RABL2A: variants seen among roughly 807,000 people sequenced by gnomAD.
RABL2A encodes rab-like protein 2A.
RABL2A carries 17 observed loss-of-function variants against 30.7 expected under a neutral mutation model. The ratio of observed to expected loss-of-function variants is 0.55; its 90% CI spans 0.38 to 0.83. RABL2A has a LOEUF of 0.83. Ranked by LOEUF, RABL2A falls within the 40% of genes least tolerant of loss-of-function variation. The pLI is 0.00. For missense variants in RABL2A, 155 were observed against 272.6 expected, an observed-to-expected ratio of 0.57 and a Z score of 3.04; for synonymous variants, 64 against 101.8, an observed-to-expected ratio of 0.63 and a Z score of 2.24.
chr2:113,642,377 A>G lies in RABL2A; in HGVS notation c.*248A>G. The G allele has an allele frequency of 1.2e-6, 1 of 825,404 alleles. No homozygotes were observed. The highest frequency in any genetic ancestry group is 3.1e-5 in the Admixed American group (1 of 32,398). The allele number at this position is 825,404 out of a possible 1,614,324, so 51.1% of individuals were successfully genotyped here. ...AGAATTAGGGATCAGCATCATTAAC[A>G]CCTTCCCCACCCCCTCCCCCCAGGC... On this transcript the variant is annotated 3_prime_UTR_variant, in exon 9 of 9. Coordinates refer to ENST00000683472, the MANE Select transcript of RABL2A (RefSeq NM_001306158.2).
chr2:113,639,536 C>A (rs1366021856), intron 5 of RABL2A, among the ~76,000 whole-genome samples: 1 of 151,048 alleles, frequency 6.6e-6, no homozygotes, highest in Non-Finnish European at 1.5e-5. Context: ...ACAAGAGAAT[C>A]GCTTGAACCT....
chr2:113,633,844 A>G, intron 3 of RABL2A: 1 of 395,792 alleles, frequency 2.5e-6, no homozygotes, highest in East Asian at 5.6e-5. Context: ...TGGGGTATCC[A>G]CTTTTGCATT....
intron 5 of RABL2A, among the ~76,000 whole-genome samples, chr2:113,635,766 C>T (rs1682414555): frequency 6.6e-6 from 1 of 152,200 alleles, no homozygotes; most frequent in African/African-American, 2.4e-5. Flanking sequence ...CAGGCCACCA[C>T]TTTTAAATGC....
At chr2:113,634,609 T>G (rs1273553705) in intron 4 of RABL2A, 1 of 415,010 alleles carries the variant, frequency 2.4e-6, no homozygotes, top group Admixed American at 3.7e-5. Context: ...GGTCAGAACA[T>G]TATCTCCCAC....
intron 2 of RABL2A, among the ~76,000 whole-genome samples, chr2:113,630,738 C>T (rs1199144228): frequency 1.3e-5 from 2 of 151,984 alleles, no homozygotes; most frequent in East Asian, 3.9e-4. Flanking sequence ...AACAGGTGAC[C>T]TCAGACCTGG....
intron 5 of RABL2A, chr2:113,640,130 G>A (rs1298672097): frequency 1.3e-5 from 2 of 149,764 alleles, no homozygotes; most frequent in Non-Finnish European, 3.0e-5. Flanking sequence ...CTGGGTGACA[G>A]TGAAACCCTG....
At chr2:113,637,567 C>G in intron 5 of RABL2A, 1 of 1,207,560 alleles carries the variant, frequency 8.3e-7, no homozygotes, top group African/African-American at 1.6e-5. Flanking sequence ...AAGGAAGGAA[C>G]TCGTCACCTA....
intron 5 of RABL2A, chr2:113,637,688 G>T (rs1683459558): frequency 1.6e-6 from 2 of 1,281,828 alleles, no homozygotes; most frequent in Non-Finnish European, 2.0e-6. Context: ...GGAAAATGGG[G>T]GCAGTGTAGT....
rs538850628 is a variant in RABL2A at position 113,628,350 on chromosome 2, T to G, written c.-53-204T>G. On this transcript the variant is annotated intron_variant, in intron 1 of 8. Coordinates refer to ENST00000683472, the MANE Select transcript of RABL2A (RefSeq NM_001306158.2). The stretch of plus-strand genomic sequence containing the variant: ...AAATGGGTAACGTGAGGAGCAGCAT[T>G]TGGGGTGCGCAGGACTTAACTATTT... 713 of 346,032 alleles carry G rather than the reference T, an allele frequency of 2.1e-3. 2 individuals are homozygous for G. The highest frequency in any genetic ancestry group is 3.1e-3 in the Non-Finnish European group (597 of 189,808). 21.4% of individuals were successfully genotyped at this position (346,032 alleles called of 1,614,324 possible). A position where few individuals can be genotyped will look rare whatever the true frequency, so the allele number is the denominator to read the frequency against.
At chr2:113,634,078 C>A in intron 3 of RABL2A, 75 bp from the exon 4 acceptor site, 1 of 1,539,952 alleles carries the variant, frequency 6.5e-7, no homozygotes, top group Non-Finnish European at 8.8e-7. Context: ...TCCATTTCAT[C>A]AAACCAAACA....
intron 5 of RABL2A, among the ~76,000 whole-genome samples, chr2:113,639,712 C>T (rs909132861): frequency 2.0e-5 from 3 of 151,914 alleles, no homozygotes; most frequent in African/African-American, 7.3e-5. Context: ...AAAAATTAGC[C>T]AGGCATGGTG....
intron 5 of RABL2A, chr2:113,638,073 C>G (rs1041548004): frequency 1.0e-6 from 1 of 985,406 alleles, no homozygotes. Flanking sequence ...CCTCAGCTCT[C>G]AAAACAAGGA....
rs1685737709 is a variant in RABL2A at position 113,643,143 on chromosome 2, C to T, written c.*1014C>T. On this transcript the variant is annotated 3_prime_UTR_variant, in exon 9 of 9. Transcript: ENST00000683472. ...CCATTTGGACTACAAGAAGAGCTTC[C>T]TTTAAAGTTCCTATTTCAGCATAAA... is the stretch of plus-strand genomic sequence containing the variant. The T allele has an allele frequency of 4.4e-6, 2 of 454,434 alleles. No individual in the cohort carries two copies. The highest frequency in any genetic ancestry group is 8.8e-6 in the Non-Finnish European group (2 of 226,326). 28.2% of individuals were successfully genotyped at this position (454,434 alleles called of 1,614,324 possible).
intron 5 of RABL2A, chr2:113,637,461 T>G (rs1490290138): frequency 7.2e-6 from 8 of 1,111,350 alleles, no homozygotes; most frequent in Non-Finnish European, 8.9e-6. Flanking sequence ...AAGACACACG[T>G]GCTGCCCCCA....
At chr2:113,639,938 C>G (rs2595161) in intron 5 of RABL2A, 2,113 of 129,820 alleles carry the variant, frequency 0.016, 8 homozygotes, top group African/African-American at 0.05. Flanking sequence ...AGGATCCCTT[C>G]AGGCCAAGAG....
intron 1 of RABL2A, 119 bp downstream of exon 1, chr2:113,627,519 G>A (rs1678518661): frequency 6.4e-6 from 1 of 155,352 alleles, no homozygotes; most frequent in South Asian, 2.1e-4. Flanking sequence ...AGGTGGCTTC[G>A]CGAGGCTGTT....
chr2:113,637,375 C>G (rs1683313338), intron 5 of RABL2A: 1 of 1,030,176 alleles, frequency 9.7e-7, no homozygotes, highest in Non-Finnish European at 1.2e-6. Flanking sequence ...GTGTGTGCTC[C>G]TGCACCACTG....
chr2:113,634,566 G>A (rs1197961757), intron 4 of RABL2A: 1 of 450,048 alleles, frequency 2.2e-6, no homozygotes, highest in Non-Finnish European at 4.1e-6. Context: ...AGCTTCAGGG[G>A]TTCTTACTCA....
At chr2:113,634,424 T>TC (rs1681672408) in intron 4 of RABL2A, 192 bp downstream of exon 4, 1 of 689,054 alleles carries the variant, frequency 1.5e-6, no homozygotes, top group Non-Finnish European at 2.4e-6. Flanking sequence ...AGGGGCCAAG[T>TC]CCCAGCCCTC....
Sources: gnomAD v4.1 joint callset for allele counts (sites outside exome capture counted in the v4.1 genomes callset) on GRCh38, gnomAD v4.1.1 for gene constraint, MANE v1.5 for transcripts, NCBI Gene and HGNC (gene_info 2026-07-23, HGNC 2026-07-21) for gene names.